JAG2: variants seen among roughly 807,000 people sequenced by gnomAD.
JAG2 encodes the protein jagged canonical Notch ligand 2.
Under a neutral mutation model 141.7 loss-of-function variants are expected in JAG2, and 46 were observed. The observed-to-expected ratio is 0.32, with a 90% CI of 0.26 to 0.42. The LOEUF is 0.42. JAG2 is among the 10% of genes least tolerant of loss of function. The pLI is 1.00. For missense variants in JAG2, 1,500 were observed against 1,817.5 expected, an observed-to-expected ratio of 0.83 and a Z score of 3.18; for synonymous variants, 862 against 763.5, an observed-to-expected ratio of 1.13 and a Z score of -2.13.
At position 105,154,099 on chromosome 14, in the gene JAG2, A is replaced by G. The variant is rs1249778309; in HGVS notation, c.788+1463T>C. ...AGCTCCTCACTGTACCCTCCAGGCCACTCAACCGTGGGGCCTGTGGAAGGG... is the reference window on the plus strand; with the variant it reads ...AGCTCCTCACTGTACCCTCCAGGCCGCTCAACCGTGGGGCCTGTGGAAGGG... On this transcript the variant is annotated intron_variant, in intron 5 of 25. Coordinates refer to ENST00000331782, the MANE Select transcript of JAG2 (RefSeq NM_002226.5). This position sits in a 1 kb window ranked among gnomAD's most constrained non-coding sequence, Gnocchi z 4.4. 1.3e-5 allele frequency among the ~76,000 whole-genome samples: 2 copies of G among 151,920 alleles called. No homozygotes were observed. Among genetic ancestry groups the G allele is most frequent in the Admixed American group, 6.5e-5 (1 of 15,268 alleles).
At chr14:105,157,537 C>T (rs1256924822) in intron 3 of JAG2, among the ~76,000 whole-genome samples, 169 bp downstream of exon 3, 1 of 152,224 alleles carries the variant, frequency 6.6e-6, no homozygotes, top group Non-Finnish European at 1.5e-5. Flanking sequence ...CACAGCTCTG[C>T]AAGTCCCAAA....
chr14:105,165,016 C>T lies in JAG2; in HGVS notation c.417+2741G>A, dbSNP rs368202918. Among the ~76,000 whole-genome samples the T allele has an allele frequency of 5.1e-4, 78 of 152,296 alleles. 1 individual carries two copies. In the South Asian group the frequency reaches 0.016, roughly 32 times the overall value. Reference sequence around the variant, plus strand: ...TCACGGGGACCATGCTCCAGCCACACCACCCCGCACAGCTGCCCTGGAGCC... The same window carrying T: ...TCACGGGGACCATGCTCCAGCCACATCACCCCGCACAGCTGCCCTGGAGCC... On this transcript the variant is annotated intron_variant, in intron 2 of 25. Transcript: ENST00000331782.
rs753119435 is a variant in JAG2 at position 105,145,902 on chromosome 14, C to A, written c.2781G>T (p.Gly927=). Reference sequence around the variant, plus strand: ...CTGGGGCCTTCTCCAGGCACCTTTGCCCCAGTGGGCACTGGGCGCTCAGGG... The same window carrying A: ...CTGGGGCCTTCTCCAGGCACCTTTGACCCAGTGGGCACTGGGCGCTCAGGG... ...PEALSAQCPL[G]QRCLEKAPGQ... Residue 927 remains glycine, a synonymous_variant, in exon 23 of 26, where the codon GGG becomes GGT. Coordinates refer to ENST00000331782, the MANE Select transcript of JAG2 (RefSeq NM_002226.5). 47 of 1,566,520 alleles carry A rather than the reference C, an allele frequency of 3.0e-5. No homozygotes were observed. Among genetic ancestry groups the A allele is most frequent in the Non-Finnish European group, 4.0e-5 (46 of 1,156,846 alleles).
At chr14:105,166,622 C>T (rs1455765245) in intron 2 of JAG2, among the ~76,000 whole-genome samples, 1 of 152,216 alleles carries the variant, frequency 6.6e-6, no homozygotes, top group Non-Finnish European at 1.5e-5. Flanking sequence ...ATGGGGGCAG[C>T]AGGCAAGGCT....
At chr14:105,149,412 G>A in intron 12 of JAG2, 92 bp from the exon 13 acceptor site, 1 of 1,538,230 alleles carries the variant, frequency 6.5e-7, no homozygotes, top group Non-Finnish European at 8.9e-7. Context: ...TAGATCCCTG[G>A]GGACCCCCAG....
At chr14:105,145,205 G>A (rs992299497) in intron 23 of JAG2, 144 bp from the exon 24 acceptor site, 51 of 1,158,780 alleles carry the variant, frequency 4.4e-5, no homozygotes, top group African/African-American at 1.4e-4. Context: ...GCCTGGGGGG[G>A]CAGCTTCCCA....
At chr14:105,144,379 G>T (rs994634692) in intron 24 of JAG2, among the ~76,000 whole-genome samples, 2 of 152,068 alleles carry the variant, frequency 1.3e-5, no homozygotes, top group African/African-American at 4.8e-5. Context: ...CGGCCTCAGG[G>T]CACCAAAACA....
Position 105,145,848 on chromosome 14 carries a change from G to A in JAG2, c.2835C>T (p.Ala945=). The change falls in exon 23 of 26, where the codon GCC becomes GCT. Residue 945 remains alanine, a synonymous_variant. Transcript: ENST00000331782. ...PGQCLRPPCE[A]WGECGAEEPP... ...GCTCTTCTGCGCCGCACTCCCCCCAGGCCTCACAGGGTGGTCGCAGACACT... is the reference window on the plus strand; with the variant it reads ...GCTCTTCTGCGCCGCACTCCCCCCAAGCCTCACAGGGTGGTCGCAGACACT... The A allele has an allele frequency of 6.4e-7, 1 of 1,561,364 alleles. No individual in the cohort carries two copies. The highest frequency in any genetic ancestry group is 8.7e-7 in the Non-Finnish European group (1 of 1,153,504).
chr14:105,145,075 G>T lies in JAG2; in HGVS notation c.2953-14C>A. The stretch of plus-strand genomic sequence containing the variant: ...CACCGTGGTGCCCTGGGCAGAGACA[G>T]GCAGTGCGTGGGCAGGGCAGGGCCG... On this transcript the variant is annotated splice_polypyrimidine_tract_variant and intron_variant, in intron 23 of 25. Coordinates refer to ENST00000331782, the MANE Select transcript of JAG2 (RefSeq NM_002226.5). The T allele has an allele frequency of 6.2e-7, 1 of 1,609,236 alleles. No homozygotes were observed. Among genetic ancestry groups the T allele is most frequent in the Non-Finnish European group, 8.5e-7 (1 of 1,179,716 alleles).
At chr14:105,164,329 C>T (rs1488521467) in intron 2 of JAG2, among the ~76,000 whole-genome samples, 3 of 152,192 alleles carry the variant, frequency 2.0e-5, no homozygotes, top group Non-Finnish European at 4.4e-5. Flanking sequence ...GCCCTGAGTT[C>T]TCCCCAGGGC....
At chr14:105,146,582 C>G (rs587757146) in intron 21 of JAG2, 29 bp downstream of exon 21, 37 of 1,609,754 alleles carry the variant, frequency 2.3e-5, no homozygotes, top group Admixed American at 3.3e-5. Flanking sequence ...CCAACCCGCC[C>G]CAACCCAGGG....
intron 2 of JAG2, among the ~76,000 whole-genome samples, chr14:105,161,490 G>C (rs587692230): frequency 1.3e-5 from 2 of 152,290 alleles, no homozygotes; most frequent in African/African-American, 4.8e-5. Context: ...TAAGATTACT[G>C]CCACCTTCGC....
At chr14:105,146,820 C>T (rs937768640) in intron 20 of JAG2, 96 bp from the exon 21 acceptor site, 77 of 988,248 alleles carry the variant, frequency 7.8e-5, no homozygotes, top group Non-Finnish European at 1.1e-4. Flanking sequence ...GGCACACAGG[C>T]GCAAGCCCCA....
intron 24 of JAG2, among the ~76,000 whole-genome samples, chr14:105,144,384 A>C (rs1282079280): frequency 6.6e-6 from 1 of 151,962 alleles, no homozygotes; most frequent in East Asian, 1.9e-4. Context: ...TCAGGGCACC[A>C]AAACACTGCA....
chr14:105,166,006 C>A (rs754719835), intron 2 of JAG2, among the ~76,000 whole-genome samples: 9 of 152,262 alleles, frequency 5.9e-5, no homozygotes, highest in Non-Finnish European at 8.8e-5. Flanking sequence ...GGCAGCCAGG[C>A]CACATGGCAG....
chr14:105,148,274 G>GGGCCAGGGTCCTGGGGGCAGCCCCAGGC (rs768233795), intron 16 of JAG2, 45 bp from the exon 17 acceptor site: 200 of 1,583,858 alleles, frequency 1.3e-4, no homozygotes, highest in South Asian at 3.4e-4. Flanking sequence ...CAGACCGCCA[G>GGGCCAGGGTCCTGGGGGCAGCCCCAGGC]GGCCAGGGTC....
At chr14:105,150,091 AG>A (rs1345289310) in intron 12 of JAG2, among the ~76,000 whole-genome samples, 2 of 49,264 alleles carry the variant, frequency 4.1e-5, no homozygotes, top group African/African-American at 1.8e-4. Flanking sequence ...GTGGTGGGGA[AG>A]GGGGAAGGCA....
rs1888950291 is a variant in JAG2 at position 105,167,413 on chromosome 14, C to T, written c.417+344G>A. On this transcript the variant is annotated intron_variant, in intron 2 of 25. Coordinates refer to ENST00000331782, the MANE Select transcript of JAG2 (RefSeq NM_002226.5). This position sits in a 1 kb window ranked among gnomAD's most constrained non-coding sequence, Gnocchi z 4.8. ...GCCCCAGCACGCGCTGCGCACATGC[C>T]ACCGCGGCCTGCCCGGGACCGGGGC... Among the ~76,000 whole-genome samples, 1 of 152,040 alleles carries T rather than the reference C, an allele frequency of 6.6e-6. No homozygotes were observed. The highest frequency in any genetic ancestry group is 1.9e-4 in the East Asian group (1 of 5,166).
rs780509714 is a variant in JAG2 at position 105,152,259 on chromosome 14, T to A, written c.821A>T (p.Asp274Val). 8 of 1,613,186 alleles carry A rather than the reference T, an allele frequency of 5.0e-6. No homozygotes were observed. In the Admixed American group the frequency reaches 6.7e-5, roughly 13 times the overall value. Residue 274 changes from aspartate to valine, a missense_variant, in exon 6 of 26, where the codon GAT becomes GTT. Physicochemically the swap from Asp to Val is radical, Grantham distance 152. Around this residue, in one of 3 missense-constraint regions of JAG2, gnomAD observed 875 missense variants for 1,202.2 expected, o/e 0.73. Transcript: ENST00000331782. Reference sequence around the variant, plus strand: ...GCAGCCGGGGTAGGGGACACACTCATCGCAGAACCTCCCTTGCCAGCCGTA... The same window carrying A: ...GCAGCCGGGGTAGGGGACACACTCAACGCAGAACCTCCCTTGCCAGCCGTA... ...CSYGWQGRFC[D>V]ECVPYPGCVH... is the part of the protein sequence containing the mutation.
Sources: allele counts gnomAD v4.1 joint callset (sites outside exome capture counted in the v4.1 genomes callset), GRCh38; gene constraint gnomAD v4.1.1; regional missense constraint gnomAD v4.1.1; non-coding constraint Gnocchi (gnomAD v3.1); transcripts MANE v1.5; gene names NCBI Gene and HGNC (gene_info 2026-07-23, HGNC 2026-07-21).